The following EBF1 variants were observed in gnomAD, a reference collection of about 807,000 sequenced individuals.
EBF1 encodes the protein transcription factor COE1.
Under a neutral mutation model 68.4 loss-of-function variants are expected in EBF1, and 10 were observed. The observed-to-expected ratio is 0.15, with a 90% CI of 0.09 to 0.25. The LOEUF is 0.25. EBF1 is among the 10% of genes least tolerant of loss of function. The probability of loss-of-function intolerance (pLI) is 1.00; values close to 1 mark genes in which losing one functional copy is unlikely to be tolerated. For synonymous variants in EBF1, 298 were observed against 299.8 expected (o/e 0.99, Z 0.06); for missense variants, 509 against 794.4 (o/e 0.64, Z 4.32).
Position 158,778,000 on chromosome 5 carries a change from C to T in EBF1, c.910-461G>A, listed in dbSNP as rs184839658. The stretch of plus-strand genomic sequence containing the variant: ...GCTGCGGAGTGCACGTATGAAGTAC[C>T]CCTGAAGACCATTTGGTGTATTAAC... On this transcript the variant is annotated intron_variant, in intron 9 of 15. Coordinates refer to ENST00000313708, the MANE Select transcript of EBF1 (RefSeq NM_024007.5). 1.6e-4 allele frequency among the ~76,000 whole-genome samples: 24 copies of T among 152,190 alleles called. 1 individual carries two copies. In the East Asian group the frequency reaches 4.1e-3, roughly 26 times the overall value.
At chr5:158,990,003 C>T (rs1759965610) in intron 6 of EBF1, among the ~76,000 whole-genome samples, 1 of 152,032 alleles carries the variant, frequency 6.6e-6, no homozygotes. Flanking sequence ...GACATGCAAA[C>T]AAAACACAAC....
intron 6 of EBF1, among the ~76,000 whole-genome samples, chr5:159,063,401 G>T (rs1202178519): frequency 6.6e-6 from 1 of 152,100 alleles, no homozygotes; most frequent in Non-Finnish European, 1.5e-5. Flanking sequence ...CTTTAACCCG[G>T]GGATATTTTT....
chr5:159,025,853 GA>G (rs1250776547), intron 6 of EBF1, among the ~76,000 whole-genome samples: 1 of 152,120 alleles, frequency 6.6e-6, no homozygotes, highest in Non-Finnish European at 1.5e-5. Flanking sequence ...TTTACCTTTG[GA>G]AAAAAGCCCT....
chr5:159,022,022 G>A (rs1766783695), intron 6 of EBF1, among the ~76,000 whole-genome samples: 1 of 138,282 alleles, frequency 7.2e-6, no homozygotes, highest in Admixed American at 8.0e-5. Context: ...ACTTCTTAAG[G>A]GCATAGCTTT....
At position 158,954,592 on chromosome 5, in the gene EBF1, G is replaced by T. The variant is rs193058329; in HGVS notation, c.555-114482C>A. ...CATTGGCTTCTAACCTAATGAGGGG[G>T]TACGGAGAATTTAGAGACAGATTCC... On this transcript the variant is annotated intron_variant, in intron 6 of 15. Coordinates refer to ENST00000313708, the MANE Select transcript of EBF1 (RefSeq NM_024007.5). 2.4e-3 allele frequency among the ~76,000 whole-genome samples: 358 copies of T among 152,316 alleles called. 2 individuals are homozygous for T. Among genetic ancestry groups the T allele is most frequent in the African/African-American group, 8.2e-3 (342 of 41,572 alleles).
intron 6 of EBF1, among the ~76,000 whole-genome samples, chr5:158,884,612 AG>A (rs1302267765): frequency 6.6e-6 from 1 of 152,154 alleles, no homozygotes; most frequent in Admixed American, 6.6e-5. Flanking sequence ...AGGGCACAAC[AG>A]GAAGGTGCAA....
At chr5:158,875,056 TACACACACACACAC>T (rs3035121) in intron 6 of EBF1, among the ~76,000 whole-genome samples, 1 of 147,302 alleles carries the variant, frequency 6.8e-6, no homozygotes, top group East Asian at 2.0e-4. Context: ...CACACACACA[TACACACACACACAC>T]ACACACACAC....
At chr5:158,861,673 A>T (rs1338387196) in intron 6 of EBF1, among the ~76,000 whole-genome samples, 1 of 152,212 alleles carries the variant, frequency 6.6e-6, no homozygotes, top group African/African-American at 2.4e-5. Flanking sequence ...TCCCAGGGCC[A>T]AAGCAGTTTA....
At chr5:158,854,183 C>T (rs1193830863) in intron 6 of EBF1, among the ~76,000 whole-genome samples, 1 of 152,196 alleles carries the variant, frequency 6.6e-6, no homozygotes, top group Non-Finnish European at 1.5e-5. Context: ...CTGTAATAAC[C>T]AAAGTGGCAG....
chr5:158,784,005 T>A (rs570362065), intron 9 of EBF1, among the ~76,000 whole-genome samples: 235 of 152,266 alleles, frequency 1.5e-3, no homozygotes, highest in African/African-American at 5.6e-3. Context: ...AGTGGAAGCA[T>A]GTTGTAGAAT....
At chr5:158,801,805 G>A (rs1010627540) in intron 8 of EBF1, among the ~76,000 whole-genome samples, 6 of 151,888 alleles carry the variant, frequency 4.0e-5, no homozygotes, top group African/African-American at 7.3e-5. Flanking sequence ...TATTTCCTTC[G>A]AACAGCCACA....
chr5:158,952,312 T>A (rs1180645977), intron 6 of EBF1, among the ~76,000 whole-genome samples: 1 of 152,182 alleles, frequency 6.6e-6, no homozygotes, highest in East Asian at 1.9e-4. Flanking sequence ...TACCACCCTG[T>A]CAATTGTTAA....
chr5:158,913,043 T>G (rs1023341097), intron 6 of EBF1, among the ~76,000 whole-genome samples: 5 of 152,178 alleles, frequency 3.3e-5, no homozygotes, highest in Non-Finnish European at 5.9e-5. Flanking sequence ...GCAGAGGAAT[T>G]CATCACCAGA....
At chr5:158,748,210 A>G (rs1454049177) in intron 10 of EBF1, among the ~76,000 whole-genome samples, 15 of 152,176 alleles carry the variant, frequency 9.9e-5, no homozygotes, top group Non-Finnish European at 7.4e-5. Context: ...TAAATACAAA[A>G]CCAGTTTCTG....
chr5:159,087,054 C>G (rs1205324902), intron 4 of EBF1, among the ~76,000 whole-genome samples: 3 of 151,930 alleles, frequency 2.0e-5, no homozygotes, highest in Admixed American at 2.0e-4. Flanking sequence ...CTAAAAAACT[C>G]TAATGAAGCA....
At chr5:158,996,071 C>T (rs1761361872) in intron 6 of EBF1, among the ~76,000 whole-genome samples, 1 of 152,170 alleles carries the variant, frequency 6.6e-6, no homozygotes, top group Non-Finnish European at 1.5e-5. Context: ...TTCTGGGCCC[C>T]AAATCCAACT....
chr5:158,998,371 C>A (rs1390958780), intron 6 of EBF1, among the ~76,000 whole-genome samples: 2 of 152,120 alleles, frequency 1.3e-5, no homozygotes, highest in African/African-American at 4.8e-5. Flanking sequence ...CCTAACCCTG[C>A]CTTATTTTCC....
rs529353728 is a variant in EBF1 at position 158,959,943 on chromosome 5, C to T, written c.554+113453G>A. ...TGGAACAGAACAGAAAGCCATGTGC[C>T]TATATATCCCTAGTTAGGGTGGCTA... On this transcript the variant is annotated intron_variant, in intron 6 of 15. Transcript: ENST00000313708. Among the ~76,000 whole-genome samples, 21 of 152,182 alleles carry T rather than the reference C, an allele frequency of 1.4e-4. No homozygotes were observed. In the South Asian group the frequency reaches 1.5e-3, roughly 11 times the overall value.
At chr5:158,765,750 G>T (rs1024449402) in intron 10 of EBF1, among the ~76,000 whole-genome samples, 9 of 152,106 alleles carry the variant, frequency 5.9e-5, no homozygotes, top group Non-Finnish European at 8.8e-5. Flanking sequence ...AAAAACTCAG[G>T]CCTGATATTA....
Sources: gnomAD v4.1 joint callset for allele counts (sites outside exome capture counted in the v4.1 genomes callset) on GRCh38, gnomAD v4.1.1 for gene constraint, MANE v1.5 for transcripts, NCBI Gene and HGNC (gene_info 2026-07-23, HGNC 2026-07-21) for gene names.